The following PARD3 variants were observed in gnomAD, a reference collection of about 807,000 sequenced individuals.
PARD3 encodes par-3 family cell polarity regulator, also known as partitioning defective 3 homolog.
Under a neutral mutation model 155.4 loss-of-function variants are expected in PARD3, and 75 were observed. The observed-to-expected ratio is 0.48, with a 90% CI of 0.40 to 0.58. The LOEUF (loss-of-function observed/expected upper bound fraction) is 0.58, where lower values mean the gene tolerates loss of function less well. Among genes scored for constraint, PARD3 ranks in the 20% least tolerant of loss-of-function variants. The pLI, the probability that PARD3 is intolerant of heterozygous loss-of-function variation, is 0.00. For missense variants in PARD3, 1,642 were observed against 1,721.7 expected, an observed-to-expected ratio of 0.95 and a Z score of 0.82; for synonymous variants, 576 against 610.5, an observed-to-expected ratio of 0.94 and a Z score of 0.83.
intron 9 of PARD3, among the ~76,000 whole-genome samples, chr10:34,379,289 A>T (rs1181403748): frequency 6.6e-6 from 1 of 152,272 alleles, no homozygotes; most frequent in Admixed American, 6.5e-5. Flanking sequence ...AATAAAGAAA[A>T]CACTCCATAG....
At chr10:34,781,134 C>T (rs1679937216) in intron 1 of PARD3, among the ~76,000 whole-genome samples, 1 of 152,220 alleles carries the variant, frequency 6.6e-6, no homozygotes, top group South Asian at 2.1e-4. Context: ...CTCTAGCCTG[C>T]TGGAGCACCC....
At chr10:34,128,883 C>A (rs1163874512) in intron 23 of PARD3, among the ~76,000 whole-genome samples, 1 of 152,092 alleles carries the variant, frequency 6.6e-6, no homozygotes, top group African/African-American at 2.4e-5. Context: ...TCATTAAAAA[C>A]CAGATTCCTG....
At chr10:34,137,582 T>C (rs1483471706) in intron 22 of PARD3, among the ~76,000 whole-genome samples, 4 of 152,278 alleles carry the variant, frequency 2.6e-5, no homozygotes, top group African/African-American at 7.2e-5. Flanking sequence ...CACTCCATTG[T>C]TGTTGGCCTT....
intron 12 of PARD3, among the ~76,000 whole-genome samples, chr10:34,371,675 A>G (rs1460674175): frequency 6.6e-6 from 1 of 151,908 alleles, no homozygotes; most frequent in East Asian, 1.9e-4. Context: ...TTGGAAAGGG[A>G]CATATTGACA....
chr10:34,801,204 C>G (rs1322628812), intron 1 of PARD3, among the ~76,000 whole-genome samples: 1 of 152,134 alleles, frequency 6.6e-6, no homozygotes, highest in African/African-American at 2.4e-5. Flanking sequence ...TTTTTCACAT[C>G]CTGTAGGAAA....
chr10:34,685,744 T>C (rs1039598446), intron 2 of PARD3, among the ~76,000 whole-genome samples: 3 of 151,986 alleles, frequency 2.0e-5, no homozygotes, highest in Admixed American at 6.6e-5. Flanking sequence ...CAGGCGCGCA[T>C]GACCAAACCT....
chr10:34,596,502 G>A (rs951933481), intron 2 of PARD3, among the ~76,000 whole-genome samples: 1 of 152,172 alleles, frequency 6.6e-6, no homozygotes, highest in African/African-American at 2.4e-5. Context: ...TTAGTGCAGA[G>A]CAAAGTGGGG....
chr10:34,309,750 A>AC (rs1032468818), intron 20 of PARD3, among the ~76,000 whole-genome samples: 11 of 36,808 alleles, frequency 3.0e-4, no homozygotes, highest in South Asian at 1.2e-3. Context: ...CATCTCCCCC[A>AC]CCCCCCCGCC....
chr10:34,611,449 G>C (rs375848383), intron 2 of PARD3, among the ~76,000 whole-genome samples: 1 of 152,122 alleles, frequency 6.6e-6, no homozygotes. Flanking sequence ...CAAAAGGAAC[G>C]CAGAGCATAC....
At chr10:34,219,478 A>G (rs1328738826) in intron 22 of PARD3, among the ~76,000 whole-genome samples, 2 of 152,202 alleles carry the variant, frequency 1.3e-5, no homozygotes, top group South Asian at 2.1e-4. Context: ...TATGAAACAA[A>G]GCACACCTTC....
intron 2 of PARD3, among the ~76,000 whole-genome samples, chr10:34,595,699 C>G (rs921769240): frequency 6.6e-6 from 1 of 151,922 alleles, no homozygotes; most frequent in Non-Finnish European, 1.5e-5. Context: ...GAAACAGACA[C>G]AAAATAAAAT....
chr10:34,420,289 A>G (rs572072576), intron 5 of PARD3, among the ~76,000 whole-genome samples: 1 of 152,328 alleles, frequency 6.6e-6, no homozygotes, highest in East Asian at 1.9e-4. Flanking sequence ...TACTGCTACA[A>G]TTAGCATCCT....
Position 34,562,208 on chromosome 10 carries a change from G to A in PARD3, c.223-45049C>T, listed in dbSNP as rs192796739. Among the ~76,000 whole-genome samples, 358 of 150,338 alleles carry A rather than the reference G, an allele frequency of 2.4e-3. 1 individual carries two copies. Among genetic ancestry groups the A allele is most frequent in the African/African-American group, 8.1e-3 (331 of 40,764 alleles). ...TCCCGGCACTTTGGGAGGCTGAGGCGGGCGGATTACCTGAAGTCAGGAGTT... is the reference window on the plus strand; with the variant it reads ...TCCCGGCACTTTGGGAGGCTGAGGCAGGCGGATTACCTGAAGTCAGGAGTT... On this transcript the variant is annotated intron_variant, in intron 2 of 24. Transcript: ENST00000374788.
At chr10:34,793,187 T>C (rs1313535721) in intron 1 of PARD3, among the ~76,000 whole-genome samples, 1 of 152,110 alleles carries the variant, frequency 6.6e-6, no homozygotes, top group African/African-American at 2.4e-5. Context: ...AGCACAGCTC[T>C]GGCAGCAGTG....
At chr10:34,769,784 A>T (rs11009928) in intron 1 of PARD3, among the ~76,000 whole-genome samples, 1 of 113,270 alleles carries the variant, frequency 8.8e-6, no homozygotes, top group South Asian at 2.6e-4. Flanking sequence ...ACAAACAAAC[A>T]AACGAACAAA....
chr10:34,203,105 G>A (rs538074536), intron 22 of PARD3, among the ~76,000 whole-genome samples: 13 of 152,258 alleles, frequency 8.5e-5, no homozygotes, highest in African/African-American at 3.1e-4. Flanking sequence ...CTCTGCCTGT[G>A]CCAAGAAAAT....
In PARD3 at chr10:34,264,058, T is replaced by C. The variant is rs553809900; in HGVS notation, c.3419+5599A>G. On this transcript the variant is annotated intron_variant, in intron 22 of 24. Coordinates refer to ENST00000374788, the MANE Select transcript of PARD3 (RefSeq NM_001184785.2). ...ACAGATGGTCCCGGACTTGCTATGA[T>C]TCAACTTAAGATTTTTAACTTTAGA... is the stretch of plus-strand genomic sequence containing the variant. 3.9e-5 allele frequency among the ~76,000 whole-genome samples: 6 copies of C among 152,314 alleles called. No homozygotes were observed. In the South Asian group the frequency reaches 1.2e-3, roughly 32 times the overall value.
chr10:34,474,818 T>C (rs964952852), intron 3 of PARD3, among the ~76,000 whole-genome samples: 2 of 152,210 alleles, frequency 1.3e-5, no homozygotes, highest in African/African-American at 4.8e-5. Flanking sequence ...AATTTTGTTG[T>C]TTTCCTAGTA....
chr10:34,396,961 A>G (rs1843407732), intron 7 of PARD3, among the ~76,000 whole-genome samples: 1 of 152,148 alleles, frequency 6.6e-6, no homozygotes, highest in South Asian at 2.1e-4. Flanking sequence ...CAGCTCACAG[A>G]GCACCTATTA....
Sources: allele counts gnomAD v4.1 joint callset (sites outside exome capture counted in the v4.1 genomes callset), GRCh38; gene constraint gnomAD v4.1.1; transcripts MANE v1.5; gene names NCBI Gene and HGNC (gene_info 2026-07-23, HGNC 2026-07-21).